FRMD4A: variants seen among roughly 807,000 people sequenced by gnomAD.
FRMD4A encodes FERM domain containing 4A.
Under a neutral mutation model 129.1 loss-of-function variants are expected in FRMD4A, and 29 were observed. That is an observed-to-expected ratio of 0.22 (90% CI 0.17 to 0.31). The LOEUF is 0.31. Ranked by LOEUF, FRMD4A falls within the 10% of genes least tolerant of loss-of-function variation. FRMD4A has a pLI of 1.00. For missense variants in FRMD4A, 1,272 were observed against 1,375.8 expected (o/e 0.92, Z 1.19); for synonymous variants, 634 against 571.6 (o/e 1.11, Z -1.56).
At chr10:13,964,290 G>C (rs927733786) in intron 2 of FRMD4A, among the ~76,000 whole-genome samples, 1 of 151,844 alleles carries the variant, frequency 6.6e-6, no homozygotes, top group Non-Finnish European at 1.5e-5. Flanking sequence ...ACTAACAAAC[G>C]AACAACATCT....
At position 13,670,401 on chromosome 10, in the gene FRMD4A, C is replaced by T; in HGVS notation, c.1374+5G>A. 6 of 1,612,322 alleles carry T rather than the reference C, an allele frequency of 3.7e-6. No homozygotes were observed. Among genetic ancestry groups the T allele is most frequent in the Non-Finnish European group, 5.1e-6 (6 of 1,178,866 alleles). On this transcript the variant is annotated splice_donor_5th_base_variant and intron_variant, in intron 17 of 24. Transcript: ENST00000357447. ...AGAATCCAACAACAGAAAGGAAGGACGCACCTCTCCTTTGGGCAGGATTTT... is the reference window on the plus strand; with the variant it reads ...AGAATCCAACAACAGAAAGGAAGGATGCACCTCTCCTTTGGGCAGGATTTT...
intron 5 of FRMD4A, among the ~76,000 whole-genome samples, chr10:13,787,100 C>G (rs2092884333): frequency 6.6e-6 from 1 of 151,976 alleles, no homozygotes; most frequent in Admixed American, 6.6e-5. Context: ...ATAAAAGGGG[C>G]AGAGAAGGTA....
intron 5 of FRMD4A, among the ~76,000 whole-genome samples, chr10:13,789,804 T>TGTGTGTGTGTGTG (rs1554898662): frequency 1.8e-4 from 19 of 104,078 alleles, no homozygotes; most frequent in African/African-American, 5.5e-4. Flanking sequence ...TGTGTGTGTG[T>TGTGTGTGTGTGTG]TGTGTGGTGA....
intron 2 of FRMD4A, among the ~76,000 whole-genome samples, chr10:14,289,548 T>C (rs961415899): frequency 3.3e-5 from 5 of 152,162 alleles, no homozygotes; most frequent in Admixed American, 3.3e-4. Context: ...GTCAGATACA[T>C]GTTTTGCAAA....
intron 3 of FRMD4A, among the ~76,000 whole-genome samples, chr10:13,827,596 C>A (rs1469424751): frequency 6.6e-6 from 1 of 152,114 alleles, no homozygotes; most frequent in African/African-American, 2.4e-5. Context: ...TCAGGCAAAG[C>A]GAAACAGCCT....
intron 2 of FRMD4A, among the ~76,000 whole-genome samples, chr10:13,945,058 G>A (rs980174857): frequency 3.3e-5 from 5 of 152,162 alleles, no homozygotes; most frequent in Admixed American, 2.6e-4. Context: ...ACCAGCAACA[G>A]TACAATGGGA....
chr10:14,001,778 C>A (rs969474510), intron 2 of FRMD4A, among the ~76,000 whole-genome samples: 4 of 152,138 alleles, frequency 2.6e-5, no homozygotes, highest in African/African-American at 7.2e-5. Flanking sequence ...GGAACAAAAC[C>A]CCATGCAGGA....
intron 2 of FRMD4A, among the ~76,000 whole-genome samples, chr10:14,222,908 TGA>T (rs1843309905): frequency 6.6e-6 from 1 of 152,086 alleles, no homozygotes; most frequent in African/African-American, 2.4e-5. Context: ...GCCAACATGG[TGA>T]AACCCTATCT....
chr10:14,005,245 A>G (rs1362373766), intron 2 of FRMD4A, among the ~76,000 whole-genome samples: 3 of 152,044 alleles, frequency 2.0e-5, no homozygotes, highest in East Asian at 3.9e-4. Context: ...GATGGTCTCC[A>G]TCTCCTGACC....
At chr10:14,026,547 A>G (rs1455506671) in intron 2 of FRMD4A, among the ~76,000 whole-genome samples, 1 of 152,180 alleles carries the variant, frequency 6.6e-6, no homozygotes, top group Non-Finnish European at 1.5e-5. Flanking sequence ...ACGGCATAGG[A>G]AGGGGCGGGC....
At chr10:13,718,385 G>A (rs2089068854) in intron 12 of FRMD4A, among the ~76,000 whole-genome samples, 1 of 152,254 alleles carries the variant, frequency 6.6e-6, no homozygotes, top group Admixed American at 6.5e-5. Context: ...GGCCTGCCCC[G>A]CTCCAGCCTG....
chr10:14,039,761 T>C (rs1442773410), intron 2 of FRMD4A, among the ~76,000 whole-genome samples: 1 of 152,138 alleles, frequency 6.6e-6, no homozygotes, highest in African/African-American at 2.4e-5. Flanking sequence ...CTTTCTGGCC[T>C]GAACCAATGT....
At chr10:14,082,064 G>A (rs927290573) in intron 2 of FRMD4A, among the ~76,000 whole-genome samples, 7 of 152,034 alleles carry the variant, frequency 4.6e-5, no homozygotes, top group African/African-American at 1.5e-4. Context: ...TGGCTAACAT[G>A]GTGAAACCCC....
At chr10:14,110,779 T>G (rs531083015) in intron 2 of FRMD4A, among the ~76,000 whole-genome samples, 1 of 152,228 alleles carries the variant, frequency 6.6e-6, no homozygotes, top group African/African-American at 2.4e-5. Context: ...AAGCAGTTAC[T>G]TTTTTCTTTT....
At position 13,734,379 on chromosome 10, in the gene FRMD4A, C is replaced by T. The variant is rs547381663; in HGVS notation, c.759+3465G>A. On this transcript the variant is annotated intron_variant, in intron 12 of 24. Coordinates refer to ENST00000357447, the MANE Select transcript of FRMD4A (RefSeq NM_018027.5). ...CTATACTCCTCAGCTTCAAATAGAC[C>T]GCGGCTAACACTCCCTATAGAGGAG... Among the ~76,000 whole-genome samples, 16 of 152,210 alleles carry T rather than the reference C, an allele frequency of 1.1e-4. No homozygotes were observed. The South Asian group carries it at 1.2e-3, about 12-fold the overall frequency.
intron 3 of FRMD4A, among the ~76,000 whole-genome samples, chr10:13,843,438 G>A (rs1271571746): frequency 6.6e-6 from 1 of 152,128 alleles, no homozygotes; most frequent in East Asian, 1.9e-4. Context: ...GGAGTGGGGA[G>A]GGACATCTGG....
chr10:13,913,324 A>T (rs773134573), intron 2 of FRMD4A, among the ~76,000 whole-genome samples: 1 of 152,182 alleles, frequency 6.6e-6, no homozygotes, highest in Non-Finnish European at 1.5e-5. Context: ...TGAGTACAGG[A>T]TCTCTTTTTG....
chr10:14,032,342 C>T (rs1175254968), intron 2 of FRMD4A, among the ~76,000 whole-genome samples: 4 of 152,176 alleles, frequency 2.6e-5, no homozygotes. Context: ...TACTGTGAGG[C>T]CAGAACTCCA....
chr10:14,325,377 C>T (rs1843231770), intron 2 of FRMD4A, among the ~76,000 whole-genome samples: 1 of 152,174 alleles, frequency 6.6e-6, no homozygotes, highest in African/African-American at 2.4e-5. Flanking sequence ...CCTTTGTCAC[C>T]TACAGGAAAT....
Sources: gnomAD v4.1 joint callset for allele counts (sites outside exome capture counted in the v4.1 genomes callset) on GRCh38, gnomAD v4.1.1 for gene constraint, MANE v1.5 for transcripts, NCBI Gene and HGNC (gene_info 2026-07-23, HGNC 2026-07-21) for gene names.